The following NLGN1 variants were observed in gnomAD, a reference collection of about 807,000 sequenced individuals.
The protein encoded by NLGN1 is neuroligin 1, also known as neuroligin-1.
Under a neutral mutation model 65.5 loss-of-function variants are expected in NLGN1, and 12 were observed. The ratio of observed to expected loss-of-function variants is 0.18; its 90% CI spans 0.12 to 0.30. The LOEUF (loss-of-function observed/expected upper bound fraction) is 0.30, where lower values mean the gene tolerates loss of function less well. NLGN1 is among the 10% of genes least tolerant of loss of function. The probability of loss-of-function intolerance (pLI) is 1.00; values close to 1 mark genes in which losing one functional copy is unlikely to be tolerated. For missense variants in NLGN1, 750 were observed against 1,007.1 expected, an observed-to-expected ratio of 0.74 and a Z score of 3.46; for synonymous variants, 350 against 359.5, an observed-to-expected ratio of 0.97 and a Z score of 0.30.
chr3:173,679,864 G>T (rs907920414), intron 3 of NLGN1, among the ~76,000 whole-genome samples: 1 of 151,904 alleles, frequency 6.6e-6, no homozygotes, highest in Non-Finnish European at 1.5e-5. Context: ...AATGAGACGT[G>T]GAAACCCCCT....
At position 174,280,787 on chromosome 3, in the gene NLGN1, T is replaced by A; in HGVS notation, c.1956T>A (p.Thr652=). Reference sequence around the variant, plus strand: ...TACCTGTCACGTCAGCCTTTCCCACTGCCAAGCAGGATGATCCCAAACAAC... The same window carrying A: ...TACCTGTCACGTCAGCCTTTCCCACAGCCAAGCAGGATGATCCCAAACAAC... The change falls in exon 7 of 7, where the codon ACT becomes ACA. Residue 652 remains threonine (T), a synonymous_variant. Transcript: ENST00000457714. The surrounding 1 kb of genome is among the most constrained non-coding windows in gnomAD (Gnocchi z 4.9). 3 of 1,613,356 alleles carry A rather than the reference T, an allele frequency of 1.9e-6. No homozygotes were observed. Among genetic ancestry groups the A allele is most frequent in the South Asian group, 1.1e-5 (1 of 91,080 alleles).
chr3:173,416,886 C>T (rs992209472), intron 1 of NLGN1, among the ~76,000 whole-genome samples: 1 of 152,006 alleles, frequency 6.6e-6, no homozygotes, highest in Non-Finnish European at 1.5e-5. Flanking sequence ...ATTCTGAGAT[C>T]TTCTACAAAT....
chr3:174,264,767 TAG>T (rs1403749306), intron 4 of NLGN1, among the ~76,000 whole-genome samples: 3 of 152,042 alleles, frequency 2.0e-5, no homozygotes, highest in African/African-American at 7.2e-5. Context: ...CTCTGATTTT[TAG>T]AGTTTCCAGT....
chr3:174,048,424 A>G (rs1350895130), intron 4 of NLGN1, among the ~76,000 whole-genome samples: 2 of 152,102 alleles, frequency 1.3e-5, no homozygotes, highest in Non-Finnish European at 2.9e-5. Context: ...CAATGATGGC[A>G]AAGAAGGATT....
At chr3:174,156,841 T>C (rs1055578836) in intron 4 of NLGN1, among the ~76,000 whole-genome samples, 1 of 151,690 alleles carries the variant, frequency 6.6e-6, no homozygotes, top group Non-Finnish European at 1.5e-5. Flanking sequence ...AATTGTAAAC[T>C]ACATTTACTA....
chr3:173,971,118 A>G (rs1716133527), intron 4 of NLGN1, among the ~76,000 whole-genome samples: 1 of 152,168 alleles, frequency 6.6e-6, no homozygotes, highest in South Asian at 2.1e-4. Flanking sequence ...TGCATTCACT[A>G]TTATTTGAAA....
At chr3:173,841,957 C>A (rs1032995001) in intron 4 of NLGN1, among the ~76,000 whole-genome samples, 3 of 152,084 alleles carry the variant, frequency 2.0e-5, no homozygotes, top group African/African-American at 4.8e-5. Flanking sequence ...TGTATTAGTC[C>A]ATTTTCACAC....
intron 3 of NLGN1, among the ~76,000 whole-genome samples, chr3:173,686,073 G>A (rs889233404): frequency 1.6e-4 from 24 of 151,978 alleles, no homozygotes; most frequent in African/African-American, 5.1e-4. Context: ...ACATTTTAAA[G>A]GAAATACATT....
intron 4 of NLGN1, among the ~76,000 whole-genome samples, chr3:174,114,714 T>C (rs1439381097): frequency 6.6e-6 from 1 of 152,194 alleles, no homozygotes; most frequent in Non-Finnish European, 1.5e-5. Context: ...CATGCACTTA[T>C]ACATTATCCG....
chr3:173,921,485 C>G (rs910887041), intron 4 of NLGN1, among the ~76,000 whole-genome samples: 2 of 151,662 alleles, frequency 1.3e-5, no homozygotes, highest in African/African-American at 4.8e-5. Flanking sequence ...TAATTGTGAT[C>G]AAATCTCATT....
intron 4 of NLGN1, among the ~76,000 whole-genome samples, chr3:173,984,721 T>G (rs1235290192): frequency 6.6e-6 from 1 of 152,192 alleles, no homozygotes. Context: ...ATTATCTCAA[T>G]GCTATCTTGT....
At chr3:174,217,762 G>T (rs1209997091) in intron 4 of NLGN1, among the ~76,000 whole-genome samples, 4 of 151,936 alleles carry the variant, frequency 2.6e-5, no homozygotes, top group Non-Finnish European at 5.9e-5. Flanking sequence ...AGAGTAGGGT[G>T]AAGGCACCTA....
At chr3:173,745,514 A>G (rs574223256) in intron 3 of NLGN1, among the ~76,000 whole-genome samples, 1 of 152,242 alleles carries the variant, frequency 6.6e-6, no homozygotes, top group East Asian at 1.9e-4. Context: ...TTAAACAGAC[A>G]AAAGTTCAAG....
intron 3 of NLGN1, among the ~76,000 whole-genome samples, chr3:173,668,779 G>A (rs1317459437): frequency 4.0e-5 from 6 of 151,698 alleles, no homozygotes; most frequent in East Asian, 3.9e-4. Flanking sequence ...ATGAGCCACC[G>A]TGCCCAGCTA....
chr3:173,789,033 T>C (rs769060462), intron 3 of NLGN1, among the ~76,000 whole-genome samples: 14 of 151,520 alleles, frequency 9.2e-5, no homozygotes, highest in Non-Finnish European at 1.3e-4. Context: ...CTGTCTCTAC[T>C]AAAAAAGTAC....
chr3:173,746,152 G>A (rs1020526592), intron 3 of NLGN1, among the ~76,000 whole-genome samples: 7 of 152,124 alleles, frequency 4.6e-5, no homozygotes, highest in Non-Finnish European at 7.4e-5. Context: ...CTTAGGCTGC[G>A]CTTGGTGGCA....
chr3:173,398,956 C>G (rs1160602697), intron 1 of NLGN1, among the ~76,000 whole-genome samples: 1 of 152,106 alleles, frequency 6.6e-6, no homozygotes, highest in South Asian at 2.1e-4. Flanking sequence ...GGTATGTGTA[C>G]CTATGTTTGA....
At chr3:173,605,692 T>C in intron 3 of NLGN1, 99 bp downstream of exon 3, 1 of 529,050 alleles carries the variant, frequency 1.9e-6, no homozygotes. Context: ...GGGAAGTAAA[T>C]GGTTAGGTGA....
chr3:173,745,469 T>C (rs1475141582), intron 3 of NLGN1, among the ~76,000 whole-genome samples: 1 of 151,842 alleles, frequency 6.6e-6, no homozygotes, highest in Admixed American at 6.6e-5. Flanking sequence ...ATCTAAAGCT[T>C]TTTTTTACGA....
Sources: gnomAD v4.1 joint callset for allele counts (sites outside exome capture counted in the v4.1 genomes callset) on GRCh38, gnomAD v4.1.1 for gene constraint, Gnocchi (gnomAD v3.1) non-coding constraint, MANE v1.5 for transcripts, NCBI Gene and HGNC (gene_info 2026-07-23, HGNC 2026-07-21) for gene names.